PEX5L: variants seen among roughly 807,000 people sequenced by gnomAD.
PEX5L encodes peroxisomal biogenesis factor 5 like.
PEX5L carries 30 observed loss-of-function variants against 84.0 expected under a neutral mutation model. The observed-to-expected ratio is 0.36, with a 90% confidence interval of 0.27 to 0.48. PEX5L has a LOEUF of 0.48. Among genes scored for constraint, PEX5L ranks in the 20% least tolerant of loss-of-function variants. The pLI, the probability that PEX5L is intolerant of heterozygous loss-of-function variation, is 0.99. For missense variants in PEX5L, 533 were observed against 754.6 expected, an observed-to-expected ratio of 0.71 and a Z score of 3.44; for synonymous variants, 270 against 283.1, an observed-to-expected ratio of 0.95 and a Z score of 0.46.
intron 8 of PEX5L, among the ~76,000 whole-genome samples, chr3:179,845,242 TA>T (rs1407421221): frequency 1.3e-5 from 2 of 152,344 alleles, no homozygotes; most frequent in East Asian, 3.8e-4. Context: ...ATTCATTTTT[TA>T]CTCTTTTGAT....
At chr3:179,965,748 T>C (rs1387071043) in intron 2 of PEX5L, among the ~76,000 whole-genome samples, 1 of 152,166 alleles carries the variant, frequency 6.6e-6, no homozygotes, top group Non-Finnish European at 1.5e-5. Flanking sequence ...CTCAGCATCG[T>C]GAGTTTACAA....
chr3:179,952,302 G>A (rs1779296525), intron 2 of PEX5L, among the ~76,000 whole-genome samples: 1 of 152,052 alleles, frequency 6.6e-6, no homozygotes, highest in African/African-American at 2.4e-5. Context: ...TGTTTCAAAT[G>A]TCGAGAAAGA....
At position 179,875,435 on chromosome 3, in the gene PEX5L, T is replaced by C. The variant is rs904482387; in HGVS notation, c.548A>G (p.His183Arg). ...QLEKWDDVKFHGDRNTKGHPM... is the reference protein window; with the variant it reads ...QLEKWDDVKFRGDRNTKGHPM... Reference sequence around the variant, plus strand: ...ATGTCCCTTGGTATTTCGATCTCCATGAAACTTAACATCGTCCCATTTTTC... The same window carrying C: ...ATGTCCCTTGGTATTTCGATCTCCACGAAACTTAACATCGTCCCATTTTTC... Residue 183 changes from histidine to arginine, a missense_variant, in exon 6 of 15, where the codon CAT becomes CGT. Coordinates refer to ENST00000467460, the MANE Select transcript of PEX5L (RefSeq NM_016559.3). 2 of 1,613,630 alleles carry C rather than the reference T, an allele frequency of 1.2e-6. No individual in the cohort carries two copies. Among genetic ancestry groups the C allele is most frequent in the Non-Finnish European group, 8.5e-7 (1 of 1,179,772 alleles).
chr3:179,799,544 T>G lies in PEX5L; in HGVS notation c.*2284A>C, dbSNP rs1460374115. ...TTGACATTTATACTAGTTTCAGGCT[T>G]TAAATCCAGGCTGCAGATTCAGCTG... On this transcript the variant is annotated 3_prime_UTR_variant, in exon 15 of 15. Transcript: ENST00000467460. 6.6e-6 allele frequency: 1 copy of G among 152,240 alleles called. No homozygotes were observed. Among genetic ancestry groups the G allele is most frequent in the Non-Finnish European group, 1.5e-5 (1 of 68,044 alleles). 9.4% of individuals were successfully genotyped at this position (152,240 alleles called of 1,614,324 possible).
chr3:179,892,317 A>G (rs116677496), intron 3 of PEX5L, among the ~76,000 whole-genome samples: 2,373 of 152,218 alleles, frequency 0.016, 59 homozygotes, highest in African/African-American at 0.054. Context: ...TTCAACTGGC[A>G]CATTGTCTAG....
rs576575328 is a variant in PEX5L at position 179,907,800 on chromosome 3, A to T, written c.94-9554T>A. ...TTTATGAATGTTTAAGGCACATTCT[A>T]CTGCTAATTGCTGAGCCAGAATTGT... On this transcript the variant is annotated intron_variant, in intron 2 of 14. Transcript: ENST00000467460. Among the ~76,000 whole-genome samples, 4 of 152,294 alleles carry T rather than the reference A, an allele frequency of 2.6e-5. No individual in the cohort carries two copies. The South Asian group carries it at 8.3e-4, about 32-fold the overall frequency.
intron 2 of PEX5L, among the ~76,000 whole-genome samples, chr3:179,922,525 C>T (rs1238403214): frequency 2.0e-5 from 3 of 151,120 alleles, no homozygotes; most frequent in Non-Finnish European, 3.0e-5. Context: ...CTCGGCTCAC[C>T]GCAACCTCTG....
intron 2 of PEX5L, among the ~76,000 whole-genome samples, chr3:179,913,815 C>T (rs2109264865): frequency 6.6e-6 from 1 of 152,246 alleles, no homozygotes; most frequent in South Asian, 2.1e-4. Context: ...CATTGTCTAG[C>T]TAGGACTCTT....
chr3:179,887,965 T>C (rs1203829644), intron 3 of PEX5L, among the ~76,000 whole-genome samples, 181 bp from the exon 4 acceptor site: 1 of 152,244 alleles, frequency 6.6e-6, no homozygotes, highest in African/African-American at 2.4e-5. Flanking sequence ...ATGAGCCTTT[T>C]AGCACTGTCA....
At chr3:179,852,896 G>A (rs542746023) in intron 8 of PEX5L, among the ~76,000 whole-genome samples, 3 of 152,060 alleles carry the variant, frequency 2.0e-5, no homozygotes, top group East Asian at 1.9e-4. Flanking sequence ...TTTGTTAGTC[G>A]GTCAGTAAGT....
chr3:179,915,382 G>T (rs182853628), intron 2 of PEX5L, among the ~76,000 whole-genome samples: 3 of 152,094 alleles, frequency 2.0e-5, no homozygotes, highest in Admixed American at 2.0e-4. Flanking sequence ...CTGGCATAGA[G>T]ATTAAATAAA....
intron 8 of PEX5L, among the ~76,000 whole-genome samples, chr3:179,845,004 T>C (rs1470882761): frequency 6.6e-6 from 1 of 152,226 alleles, no homozygotes; most frequent in Non-Finnish European, 1.5e-5. Flanking sequence ...GAAAATTAAA[T>C]CTTTTTTTCA....
At chr3:180,010,074 G>A (rs545130607) in intron 1 of PEX5L, among the ~76,000 whole-genome samples, 167 of 152,130 alleles carry the variant, frequency 1.1e-3, no homozygotes, top group African/African-American at 3.8e-3. Context: ...CTCCCGAATA[G>A]CTGGGACTAC....
At chr3:179,802,532 CAAAA>C (rs369244711) in intron 14 of PEX5L, among the ~76,000 whole-genome samples, 1 of 73,888 alleles carries the variant, frequency 1.4e-5, no homozygotes, top group African/African-American at 4.2e-5. Context: ...GAGACTGTCT[CAAAA>C]AAAAAAAAAA....
rs1756331982 is a variant in PEX5L, at chr3:179,887,687, G to A, written c.296C>T (p.Thr99Ile). The change falls in exon 4 of 15, where the codon ACA becomes ATA. Residue 99 changes from threonine (T) to isoleucine (I), a missense_variant. By Grantham distance (89) the Thr-to-Ile change is moderately conservative. Coordinates refer to ENST00000467460, the MANE Select transcript of PEX5L (RefSeq NM_016559.3). ...TKSEAIARPV[T>I]SNTAVLTTGL... ...GAGAGAATTACCAGCTGTATTGGAT[G>A]TTACTGGCCTTGCTATTGCTTCCGA... 2 of 1,606,010 alleles carry A rather than the reference G, an allele frequency of 1.2e-6. No individual in the cohort carries two copies.
At chr3:179,844,572 T>TA (rs1269001146) in intron 8 of PEX5L, among the ~76,000 whole-genome samples, 1 of 152,246 alleles carries the variant, frequency 6.6e-6, no homozygotes, top group African/African-American at 2.4e-5. Context: ...CTCACGCCTG[T>TA]AATCCCAGCA....
At chr3:179,967,948 G>A (rs1036916006) in intron 2 of PEX5L, among the ~76,000 whole-genome samples, 1 of 152,140 alleles carries the variant, frequency 6.6e-6, no homozygotes. Flanking sequence ...GCTAAAGCTT[G>A]AGAACTATTG....
intron 7 of PEX5L, among the ~76,000 whole-genome samples, chr3:179,860,220 G>A (rs1031882964): frequency 6.6e-6 from 1 of 152,224 alleles, no homozygotes; most frequent in African/African-American, 2.4e-5. Context: ...CCAGCACAGG[G>A]CCAGACAAGG....
chr3:179,992,913 T>G (rs370668634), intron 1 of PEX5L, among the ~76,000 whole-genome samples: 8 of 150,762 alleles, frequency 5.3e-5, no homozygotes, highest in African/African-American at 1.7e-4. Flanking sequence ...TATGTACATA[T>G]GTATGTATTT....
Sources: allele counts gnomAD v4.1 joint callset (sites outside exome capture counted in the v4.1 genomes callset), GRCh38; gene constraint gnomAD v4.1.1; transcripts MANE v1.5; gene names NCBI Gene and HGNC (gene_info 2026-07-23, HGNC 2026-07-21).